PIK3C2G: variants seen among roughly 807,000 people sequenced by gnomAD.
The protein encoded by PIK3C2G is phosphatidylinositol 3-kinase C2 domain-containing subunit gamma.
A neutral mutation model predicts 181.1 loss-of-function variants in PIK3C2G; 168 were observed. The ratio of observed to expected loss-of-function variants is 0.93; its 90% CI spans 0.82 to 1.05. The LOEUF is 1.05. Among genes scored for constraint, PIK3C2G ranks in the 50% least tolerant of loss-of-function variants. The probability of loss-of-function intolerance (pLI) is 0.00; values close to 1 mark genes in which losing one functional copy is unlikely to be tolerated. For synonymous variants in PIK3C2G, 573 were observed against 592.2 expected, an observed-to-expected ratio of 0.97 and a Z score of 0.47; for missense variants, 1,869 against 1,732.8, an observed-to-expected ratio of 1.08 and a Z score of -1.40.
chr12:18,447,190 T>A (rs2135864042), intron 18 of PIK3C2G, among the ~76,000 whole-genome samples: 1 of 152,338 alleles, frequency 6.6e-6, no homozygotes, highest in Middle Eastern at 3.4e-3. Flanking sequence ...GGCCACGTGA[T>A]ATTATGAACC....
chr12:18,559,389 A>G (rs1378925211), intron 26 of PIK3C2G, among the ~76,000 whole-genome samples: 1 of 152,058 alleles, frequency 6.6e-6, no homozygotes, highest in Non-Finnish European at 1.5e-5. Context: ...TCGTATGAGC[A>G]TTTGGACAGA....
chr12:18,538,426 A>G (rs1370929661), intron 25 of PIK3C2G, 114 bp downstream of exon 25: 12 of 823,324 alleles, frequency 1.5e-5, no homozygotes, highest in Non-Finnish European at 2.3e-5. Flanking sequence ...CGGAAGAGAA[A>G]GGAATGAGAA....
chr12:18,419,478 TTTAG>T (rs1565701285), intron 16 of PIK3C2G, among the ~76,000 whole-genome samples: 4 of 152,194 alleles, frequency 2.6e-5, no homozygotes, highest in African/African-American at 9.6e-5. Context: ...GTCAATCACA[TTTAG>T]TTAGGAGAAT....
chr12:18,409,185 G>A (rs769198331), intron 16 of PIK3C2G, among the ~76,000 whole-genome samples: 7 of 152,102 alleles, frequency 4.6e-5, no homozygotes, highest in Admixed American at 6.5e-5. Context: ...AAGAAAATGA[G>A]GCACATATAC....
intron 29 of PIK3C2G, among the ~76,000 whole-genome samples, chr12:18,584,416 A>T (rs950409977): frequency 2.0e-5 from 3 of 152,196 alleles, no homozygotes; most frequent in Admixed American, 2.0e-4. Context: ...TTAACAGCAG[A>T]TTAGACCAAG....
the PIK3C2G span, among the ~76,000 whole-genome samples, chr12:18,724,951 G>C: frequency 6.6e-6 from 1 of 152,010 alleles, no homozygotes; most frequent in Non-Finnish European, 1.5e-5. Context: ...GTATAAGCTT[G>C]GTCATCCGAA....
intron 19 of PIK3C2G, 70 bp downstream of exon 19, chr12:18,488,699 T>G (rs953780623): frequency 1.5e-4 from 144 of 991,446 alleles, no homozygotes; most frequent in Non-Finnish European, 1.2e-4. Context: ...TTAATTTCAT[T>G]GTTTGCAAAG....
intron 14 of PIK3C2G, among the ~76,000 whole-genome samples, chr12:18,382,952 G>A (rs1243597447): frequency 2.0e-5 from 3 of 152,006 alleles, no homozygotes; most frequent in Non-Finnish European, 4.4e-5. Flanking sequence ...AGGAAGATTC[G>A]ACCACGTGAC....
chr12:18,300,352 T>C (rs560267381), intron 5 of PIK3C2G, among the ~76,000 whole-genome samples: 4 of 152,116 alleles, frequency 2.6e-5, no homozygotes, highest in African/African-American at 9.6e-5. Flanking sequence ...GCTGAATTGA[T>C]CCCACTGTTA....
upstream of PIK3C2G, among the ~76,000 whole-genome samples, chr12:18,246,641 A>G (rs1353383268): frequency 2.6e-5 from 4 of 152,096 alleles, no homozygotes; most frequent in Non-Finnish European, 5.9e-5. Flanking sequence ...TGTTCACAGA[A>G]TTTTTGTGAG....
chr12:18,567,488 G>C lies in PIK3C2G; in HGVS notation c.4011+431G>C, dbSNP rs548068565. On this transcript the variant is annotated intron_variant, in intron 29 of 32. Transcript: ENST00000538779. ...AATTTGTATAAAATACATGAACTGAGAATTGTGGAGCAGCAAAACAAGTAT... is the reference window on the plus strand; with the variant it reads ...AATTTGTATAAAATACATGAACTGACAATTGTGGAGCAGCAAAACAAGTAT... Among the ~76,000 whole-genome samples the C allele has an allele frequency of 3.3e-5, 5 of 152,102 alleles. No individual in the cohort carries two copies. In the South Asian group the frequency reaches 1.0e-3, roughly 32 times the overall value.
At chr12:18,291,846 C>T (rs1231556422) in intron 4 of PIK3C2G, among the ~76,000 whole-genome samples, 2 of 150,716 alleles carry the variant, frequency 1.3e-5, no homozygotes, top group Admixed American at 6.6e-5. Context: ...TAGTTAAGAC[C>T]CTCTTGGTTG....
chr12:18,338,707 GTGCA>G (rs1938816374), intron 9 of PIK3C2G, among the ~76,000 whole-genome samples, 159 bp downstream of exon 9: 1 of 140,132 alleles, frequency 7.1e-6, no homozygotes, highest in Non-Finnish European at 1.5e-5. Context: ...GTGTGTGTGT[GTGCA>G]TGCAGCCAAA....
At chr12:18,398,924 A>G (rs11044076) in intron 15 of PIK3C2G, among the ~76,000 whole-genome samples, 18,883 of 151,990 alleles carry the variant, frequency 0.12, 1,209 homozygotes, top group African/African-American at 0.14. Context: ...GGCCGGGCGC[A>G]GTGGCTCACG....
At chr12:18,282,955 A>G (rs1026036946) in intron 2 of PIK3C2G, among the ~76,000 whole-genome samples, 196 bp downstream of exon 2, 3 of 136,148 alleles carry the variant, frequency 2.2e-5, no homozygotes, top group African/African-American at 8.3e-5. Flanking sequence ...ATTAAAAAAA[A>G]AATCATCTAT....
At chr12:18,689,532 G>A in the PIK3C2G span, among the ~76,000 whole-genome samples, 3 of 152,048 alleles carry the variant, frequency 2.0e-5, no homozygotes, top group Admixed American at 2.0e-4. Flanking sequence ...CGTGGCCCAG[G>A]GAAGCCAAAA....
At chr12:18,670,303 C>CAA in the PIK3C2G span, among the ~76,000 whole-genome samples, 1 of 152,104 alleles carries the variant, frequency 6.6e-6, no homozygotes, top group Non-Finnish European at 1.5e-5. Flanking sequence ...CGCACACACA[C>CAA]ACACACACAA....
rs964050749 is a variant in PIK3C2G at position 18,399,278 on chromosome 12, T to C, written c.2127-381T>C. ...ATAAAAAATAAAAAAAATAAGAAAG[T>C]AAACGGTTGATTACCTCTGTTCTAA... is the stretch of plus-strand genomic sequence containing the variant. On this transcript the variant is annotated intron_variant, in intron 15 of 32. Transcript: ENST00000538779. 2.0e-5 allele frequency among the ~76,000 whole-genome samples: 3 copies of C among 148,328 alleles called. No homozygotes were observed. The East Asian group carries it at 5.9e-4, about 29-fold the overall frequency.
chr12:18,509,239 G>C (rs1177342940), intron 24 of PIK3C2G, among the ~76,000 whole-genome samples: 1 of 151,972 alleles, frequency 6.6e-6, no homozygotes, highest in Non-Finnish European at 1.5e-5. Flanking sequence ...GTAGAGACAG[G>C]GTTTCACTCT....
Sources: gnomAD v4.1 joint callset for allele counts (sites outside exome capture counted in the v4.1 genomes callset) on GRCh38, gnomAD v4.1.1 for gene constraint, MANE v1.5 for transcripts, NCBI Gene and HGNC (gene_info 2026-07-23, HGNC 2026-07-21) for gene names.